The following CNTNAP2 variants were observed in gnomAD, a reference collection of about 807,000 sequenced individuals.
CNTNAP2 encodes contactin-associated protein-like 2.
A neutral mutation model predicts 155.2 loss-of-function variants in CNTNAP2; 98 were observed. The observed-to-expected ratio is 0.63, with a 90% confidence interval of 0.54 to 0.75. The LOEUF is 0.75. CNTNAP2 is among the 30% of genes least tolerant of loss of function. CNTNAP2 has a pLI of 0.00. For missense variants in CNTNAP2, 1,727 were observed against 1,688.1 expected, an observed-to-expected ratio of 1.02 and a Z score of -0.40; for synonymous variants, 651 against 631.2, an observed-to-expected ratio of 1.03 and a Z score of -0.47.
intron 10 of CNTNAP2, among the ~76,000 whole-genome samples, chr7:147,414,462 A>C (rs1797154993): frequency 6.6e-6 from 1 of 151,298 alleles, no homozygotes; most frequent in South Asian, 2.1e-4. Context: ...GGATGCCAAC[A>C]ATATAATATA....
intron 21 of CNTNAP2, among the ~76,000 whole-genome samples, chr7:148,352,429 A>G (rs1480702681): frequency 1.3e-5 from 2 of 152,244 alleles, no homozygotes; most frequent in East Asian, 3.8e-4. Flanking sequence ...AAATACAGGG[A>G]CAGCCTTTGC....
intron 1 of CNTNAP2, among the ~76,000 whole-genome samples, chr7:146,396,340 TATG>T (rs1468386382): frequency 1.3e-5 from 2 of 152,106 alleles, no homozygotes; most frequent in Admixed American, 1.3e-4. Flanking sequence ...AATTTAATCA[TATG>T]ATATTTTAAA....
intron 1 of CNTNAP2, among the ~76,000 whole-genome samples, chr7:146,225,311 C>T (rs1187323615): frequency 6.6e-6 from 1 of 152,076 alleles, no homozygotes; most frequent in Admixed American, 6.6e-5. Context: ...TCACAAAGTA[C>T]ATAGAGAAAA....
intron 13 of CNTNAP2, among the ~76,000 whole-genome samples, chr7:147,807,504 T>TA (rs954322552): frequency 1.3e-5 from 2 of 151,906 alleles, no homozygotes; most frequent in South Asian, 2.1e-4. Flanking sequence ...AAATTAAAAA[T>TA]AAAAAAAATT....
At chr7:147,365,282 T>C (rs1796208672) in intron 9 of CNTNAP2, among the ~76,000 whole-genome samples, 1 of 144,702 alleles carries the variant, frequency 6.9e-6, no homozygotes, top group Non-Finnish European at 1.5e-5. Context: ...CGGGTACCTG[T>C]AATCCCAGCT....
intron 1 of CNTNAP2, among the ~76,000 whole-genome samples, chr7:146,692,167 T>C (rs2642483): frequency 0.86 from 130,747 of 152,158 alleles, 56,882 homozygotes; most frequent in South Asian, 0.95. Context: ...GTCTTCTACA[T>C]TTCCTTTTGT....
intron 1 of CNTNAP2, among the ~76,000 whole-genome samples, chr7:146,259,965 A>G (rs948548954): frequency 6.6e-6 from 1 of 152,136 alleles, no homozygotes; most frequent in Non-Finnish European, 1.5e-5. Flanking sequence ...GGAGGGAAAA[A>G]TAGTTTCCTG....
At chr7:147,091,380 G>A (rs922337964) in intron 4 of CNTNAP2, among the ~76,000 whole-genome samples, 2 of 151,948 alleles carry the variant, frequency 1.3e-5, no homozygotes, top group Admixed American at 1.3e-4. Context: ...GCTCTTTGTC[G>A]TGCCAACCCT....
intron 8 of CNTNAP2, among the ~76,000 whole-genome samples, chr7:147,260,421 G>C (rs1326416612): frequency 2.6e-5 from 4 of 152,066 alleles, no homozygotes; most frequent in African/African-American, 4.8e-5. Context: ...TTAATATTAT[G>C]GGGAAAAATT....
intron 4 of CNTNAP2, among the ~76,000 whole-genome samples, chr7:147,099,614 A>G (rs1264421347): frequency 6.6e-6 from 1 of 152,216 alleles, no homozygotes; most frequent in Admixed American, 6.5e-5. Context: ...CTATCTTTAT[A>G]TAGTATCAAA....
At chr7:147,482,569 AT>A (rs778420586) in intron 10 of CNTNAP2, among the ~76,000 whole-genome samples, 3 of 151,788 alleles carry the variant, frequency 2.0e-5, no homozygotes, top group Admixed American at 6.6e-5. Context: ...ATACAAAAAA[AT>A]ATTAGCCGGG....
At chr7:147,546,690 G>A (rs1799741515) in intron 11 of CNTNAP2, among the ~76,000 whole-genome samples, 1 of 152,182 alleles carries the variant, frequency 6.6e-6, no homozygotes, top group South Asian at 2.1e-4. Context: ...AAGGAGAAAA[G>A]CCAATACAAC....
Position 147,142,201 on chromosome 7 carries a change from G to C in CNTNAP2, c.1348+9692G>C, listed in dbSNP as rs150045969. Among the ~76,000 whole-genome samples the C allele has an allele frequency of 7.9e-3, 1,203 of 152,196 alleles. 8 individuals carry two copies. Among genetic ancestry groups the C allele is most frequent in the African/African-American group, 0.027 (1,125 of 41,522 alleles). On this transcript the variant is annotated intron_variant, in intron 8 of 23. Transcript: ENST00000361727. ...TTTTTGCCCATTCAGTATGTTATTG[G>C]CTGTGGGTTTGTCATAGACAGCTCT...
intron 20 of CNTNAP2, among the ~76,000 whole-genome samples, chr7:148,235,744 G>A (rs187036642): frequency 1.4e-3 from 205 of 144,612 alleles, no homozygotes; most frequent in Non-Finnish European, 2.3e-3. Context: ...GGAGTGCAGC[G>A]GCACGATCTT....
intron 11 of CNTNAP2, among the ~76,000 whole-genome samples, chr7:147,557,032 G>A (rs1055711747): frequency 3.3e-4 from 49 of 150,734 alleles, no homozygotes; most frequent in Admixed American, 2.8e-3. Context: ...CGGGGGTCGG[G>A]AGGCTGAGGC....
intron 9 of CNTNAP2, among the ~76,000 whole-genome samples, chr7:147,380,979 GTT>G (rs201533253): frequency 6.6e-6 from 1 of 150,848 alleles, no homozygotes; most frequent in African/African-American, 2.4e-5. Context: ...TATTTTCTGG[GTT>G]TTTTTTTGTT....
chr7:147,514,784 T>C (rs954726674), intron 11 of CNTNAP2, among the ~76,000 whole-genome samples: 1 of 152,134 alleles, frequency 6.6e-6, no homozygotes. Flanking sequence ...AACCCACGTC[T>C]ACCCCATCAA....
At chr7:147,806,559 G>A (rs1798095337) in intron 13 of CNTNAP2, among the ~76,000 whole-genome samples, 1 of 152,186 alleles carries the variant, frequency 6.6e-6, no homozygotes, top group Admixed American at 6.5e-5. Flanking sequence ...CAGGTTTATT[G>A]CAGCACTATT....
At chr7:146,416,553 C>T (rs905334695) in intron 1 of CNTNAP2, among the ~76,000 whole-genome samples, 3 of 152,064 alleles carry the variant, frequency 2.0e-5, no homozygotes, top group Non-Finnish European at 4.4e-5. Flanking sequence ...CCACACCTGG[C>T]ACATGCACAT....
Sources: gnomAD v4.1 joint callset for allele counts (sites outside exome capture counted in the v4.1 genomes callset) on GRCh38, gnomAD v4.1.1 for gene constraint, MANE v1.5 for transcripts, NCBI Gene and HGNC (gene_info 2026-07-23, HGNC 2026-07-21) for gene names.